The following DTWD2 variants were observed in gnomAD, a reference collection of about 807,000 sequenced individuals.
The protein encoded by DTWD2 is tRNA-uridine aminocarboxypropyltransferase 2.
In DTWD2, 39 loss-of-function variants were observed where a neutral mutation model predicts 31.8. That is an observed-to-expected ratio of 1.22 (90% CI 0.95 to 1.60). DTWD2 has a LOEUF of 1.60. Ranked by LOEUF, DTWD2 falls within the 40% of genes most tolerant of loss-of-function variation. DTWD2 has a pLI of 0.00. For synonymous variants in DTWD2, 180 were observed against 142.8 expected, an observed-to-expected ratio of 1.26 and a Z score of -1.86; for missense variants, 515 against 381.5, an observed-to-expected ratio of 1.35 and a Z score of -2.92.
intron 1 of DTWD2, chr5:118,973,798 GT>G: frequency 6.2e-7 from 1 of 1,611,994 alleles, no homozygotes; most frequent in Non-Finnish European, 8.5e-7. Context: ...GCCCCACCAT[GT>G]CAGACGCAGC....
intron 1 of DTWD2, among the ~76,000 whole-genome samples, chr5:118,945,808 A>AAGAAAGAAAGAAAGAAAG (rs1454402121): frequency 2.0e-4 from 29 of 148,376 alleles, no homozygotes; most frequent in African/African-American, 6.5e-4. Context: ...GAAAGAAAGA[A>AAGAAAGAAAGAAAGAAAG]AGAAATTCAT....
chr5:118,979,065 G>T (rs1755230082), intron 1 of DTWD2, among the ~76,000 whole-genome samples: 1 of 152,044 alleles, frequency 6.6e-6, no homozygotes, highest in Admixed American at 6.6e-5. Flanking sequence ...AGCACTTTGG[G>T]AGGCCAAGGC....
intron 1 of DTWD2, among the ~76,000 whole-genome samples, chr5:118,951,356 A>T (rs1561468510): frequency 6.6e-6 from 1 of 152,086 alleles, no homozygotes; most frequent in Non-Finnish European, 1.5e-5. Flanking sequence ...GATTCAAAGG[A>T]CTCAGAGCTT....
intron 4 of DTWD2, among the ~76,000 whole-genome samples, chr5:118,923,079 T>A (rs905257389): frequency 5.9e-5 from 9 of 152,176 alleles, no homozygotes; most frequent in Non-Finnish European, 1.3e-4. Flanking sequence ...AAATTTCATT[T>A]CAGTGAAATG....
At chr5:118,889,505 T>C (rs1752935311) in intron 4 of DTWD2, among the ~76,000 whole-genome samples, 1 of 152,108 alleles carries the variant, frequency 6.6e-6, no homozygotes, top group Non-Finnish European at 1.5e-5. Flanking sequence ...AGCAGATACT[T>C]ATCACATATC....
intron 4 of DTWD2, among the ~76,000 whole-genome samples, chr5:118,881,676 T>C (rs575376174): frequency 6.6e-6 from 1 of 151,948 alleles, no homozygotes; most frequent in South Asian, 2.1e-4. Flanking sequence ...CGGTAGAAAG[T>C]GAAGGGGAAG....
chr5:118,936,322 T>G (rs1388033105), intron 3 of DTWD2, among the ~76,000 whole-genome samples: 1 of 152,074 alleles, frequency 6.6e-6, no homozygotes, highest in African/African-American at 2.4e-5. Flanking sequence ...TAAGATACTT[T>G]GAGGCCAGGA....
At chr5:118,913,274 C>T (rs956520617) in intron 4 of DTWD2, among the ~76,000 whole-genome samples, 1 of 151,766 alleles carries the variant, frequency 6.6e-6, no homozygotes, top group Non-Finnish European at 1.5e-5. Context: ...TCCTTCAACA[C>T]GAAGGACTTC....
chr5:118,988,169 C>A, intron 1 of DTWD2, 125 bp downstream of exon 1: 1 of 1,209,070 alleles, frequency 8.3e-7, no homozygotes, highest in Non-Finnish European at 1.2e-6. Context: ...TTCCAACGTG[C>A]ACCCGCCAAC....
intron 3 of DTWD2, among the ~76,000 whole-genome samples, chr5:118,931,398 T>TAAAAAAA (rs535859715): frequency 9.1e-6 from 1 of 109,780 alleles, no homozygotes; most frequent in African/African-American, 3.5e-5. Context: ...GACCTTGTCT[T>TAAAAAAA]AAAAAAAAAA....
Position 118,956,203 on chromosome 5 carries a change from G to A in DTWD2, c.219-11554C>T, listed in dbSNP as rs117577224. On this transcript the variant is annotated intron_variant, in intron 1 of 5. Transcript: ENST00000510708. Reference sequence around the variant, plus strand: ...AATTTATAACAGACTGACCAAAATAGGTGCTGAGATTTTTCCCTTTTCTAT... The same window carrying A: ...AATTTATAACAGACTGACCAAAATAAGTGCTGAGATTTTTCCCTTTTCTAT... Among the ~76,000 whole-genome samples the A allele has an allele frequency of 5.3e-5, 8 of 152,262 alleles. No individual in the cohort carries two copies. The East Asian group carries it at 1.4e-3, about 26-fold the overall frequency.
At chr5:118,977,588 T>C (rs1012781911) in intron 1 of DTWD2, among the ~76,000 whole-genome samples, 5 of 152,202 alleles carry the variant, frequency 3.3e-5, no homozygotes, top group African/African-American at 9.6e-5. Flanking sequence ...CCATTCGCAA[T>C]TGCTACAAAG....
chr5:118,894,868 T>C (rs74774214), intron 4 of DTWD2, among the ~76,000 whole-genome samples: 2,518 of 152,154 alleles, frequency 0.017, 81 homozygotes, highest in African/African-American at 0.057. Context: ...CTCAACATCA[T>C]AAGGGCCATA....
At chr5:118,973,412 T>C (rs1457439483) in intron 1 of DTWD2, among the ~76,000 whole-genome samples, 1 of 152,212 alleles carries the variant, frequency 6.6e-6, no homozygotes, top group Non-Finnish European at 1.5e-5. Context: ...CTTTCCGTAT[T>C]TAGTGCTTCC....
rs1307533617 is a variant in DTWD2 at position 118,837,775 on chromosome 5, T to A, written c.*3142A>T. On this transcript the variant is annotated 3_prime_UTR_variant, in exon 6 of 6. Coordinates refer to ENST00000510708, the MANE Select transcript of DTWD2 (RefSeq NM_173666.4). The stretch of plus-strand genomic sequence containing the variant: ...GAAATTAGTAAAATTTAAAATTAGC[T>A]GAGTGTGGTGGCATGGGGCTGAGGT... 1 of 152,076 alleles carries A rather than the reference T, an allele frequency of 6.6e-6. No homozygotes were observed. The highest frequency in any genetic ancestry group is 1.5e-5 in the Non-Finnish European group (1 of 68,032). The allele number at this position is 152,076 out of a possible 1,614,324, so 9.4% of individuals were successfully genotyped here. A position where few individuals can be genotyped will look rare whatever the true frequency, so the allele number is the denominator to read the frequency against.
intron 4 of DTWD2, among the ~76,000 whole-genome samples, chr5:118,900,769 C>CA (rs1196675614): frequency 6.6e-6 from 1 of 151,694 alleles, no homozygotes; most frequent in African/African-American, 2.4e-5. Context: ...ACTAAAAACA[C>CA]AAAAAATTAG....
At chr5:118,885,856 T>C (rs1752852233) in intron 4 of DTWD2, among the ~76,000 whole-genome samples, 1 of 152,010 alleles carries the variant, frequency 6.6e-6, no homozygotes, top group Non-Finnish European at 1.5e-5. Context: ...TCCCAGCTAC[T>C]TAGGGGGCTG....
chr5:118,956,677 G>C (rs1159385051), intron 1 of DTWD2, among the ~76,000 whole-genome samples: 1 of 152,122 alleles, frequency 6.6e-6, no homozygotes, highest in Admixed American at 6.5e-5. Context: ...TTAAAGATTA[G>C]TGAACAGATT....
intron 2 of DTWD2, among the ~76,000 whole-genome samples, chr5:118,941,863 T>A (rs1435126001): frequency 6.6e-6 from 1 of 152,208 alleles, no homozygotes; most frequent in Non-Finnish European, 1.5e-5. Context: ...TTTTTAATGA[T>A]CGCCATTCTA....
Sources: allele counts gnomAD v4.1 joint callset (sites outside exome capture counted in the v4.1 genomes callset), GRCh38; gene constraint gnomAD v4.1.1; transcripts MANE v1.5; gene names NCBI Gene and HGNC (gene_info 2026-07-23, HGNC 2026-07-21).